CACNA1A: variants seen among roughly 807,000 people sequenced by gnomAD.
The protein encoded by CACNA1A is voltage-dependent P/Q-type calcium channel subunit alpha-1A.
In CACNA1A, 57 loss-of-function variants were observed where a neutral mutation model predicts 262.4. That is an observed-to-expected ratio of 0.22 (90% confidence interval 0.18 to 0.27). The LOEUF (loss-of-function observed/expected upper bound fraction) is 0.27, where lower values mean the gene tolerates loss of function less well. Among genes scored for constraint, CACNA1A ranks in the 10% least tolerant of loss-of-function variants. The probability of loss-of-function intolerance (pLI) is 1.00; values close to 1 mark genes in which losing one functional copy is unlikely to be tolerated. For missense variants in CACNA1A, 2,526 were observed against 3,562.8 expected (o/e 0.71, Z 7.41); for synonymous variants, 1,431 against 1,419.3 (o/e 1.01, Z -0.18).
At chr19:13,218,237 C>T (rs956042640) in intron 38 of CACNA1A, among the ~76,000 whole-genome samples, 3 of 151,950 alleles carry the variant, frequency 2.0e-5, no homozygotes, top group Admixed American at 2.0e-4. Flanking sequence ...ATTACAGCCG[C>T]CCGCCGCCAC....
intron 15 of CACNA1A, among the ~76,000 whole-genome samples, chr19:13,305,987 G>A (rs2057894161): frequency 6.6e-6 from 1 of 151,832 alleles, no homozygotes; most frequent in Non-Finnish European, 1.5e-5. Context: ...TTGAACCCAG[G>A]AGGCAGAGGT....
chr19:13,357,891 C>T (rs1368700763), intron 6 of CACNA1A, among the ~76,000 whole-genome samples: 1 of 151,972 alleles, frequency 6.6e-6, no homozygotes, highest in Non-Finnish European at 1.5e-5. Context: ...CCTGTGGTCC[C>T]AGCTACTCAG....
chr19:13,377,863 C>T (rs928400437), intron 3 of CACNA1A, among the ~76,000 whole-genome samples: 2 of 151,842 alleles, frequency 1.3e-5, no homozygotes, highest in Non-Finnish European at 2.9e-5. Flanking sequence ...TCCAGTGGCT[C>T]ATGCCTGTAA....
chr19:13,378,006 G>T (rs1266583042), intron 3 of CACNA1A, among the ~76,000 whole-genome samples: 1 of 152,030 alleles, frequency 6.6e-6, no homozygotes, highest in African/African-American at 2.4e-5. Context: ...ACAACAAAAA[G>T]AACATTTGTG....
intron 4 of CACNA1A, chr19:13,365,688 G>T (rs1324489691): frequency 6.3e-6 from 3 of 478,204 alleles, no homozygotes; most frequent in Non-Finnish European, 1.1e-5. Flanking sequence ...TTTCCTTTGA[G>T]ACAGGGTTTT....
intron 3 of CACNA1A, among the ~76,000 whole-genome samples, chr19:13,382,947 G>C (rs2059548017): frequency 6.6e-6 from 1 of 152,174 alleles, no homozygotes; most frequent in Non-Finnish European, 1.5e-5. Context: ...CTACCACTGA[G>C]TAAGAACTCG....
At chr19:13,310,944 C>T (rs780330688) in intron 12 of CACNA1A, among the ~76,000 whole-genome samples, 9 of 152,076 alleles carry the variant, frequency 5.9e-5, no homozygotes, top group Non-Finnish European at 1.2e-4. Context: ...GCATGTGCCA[C>T]GACGCCTGGC....
At chr19:13,457,384 T>C (rs2061033368) in intron 1 of CACNA1A, among the ~76,000 whole-genome samples, 1 of 152,172 alleles carries the variant, frequency 6.6e-6, no homozygotes, top group South Asian at 2.1e-4. Flanking sequence ...CTCCAAGGTA[T>C]AAACACAAAA....
chr19:13,318,126 A>ATT (rs1268102981), intron 10 of CACNA1A, among the ~76,000 whole-genome samples: 94 of 111,146 alleles, frequency 8.5e-4, no homozygotes, highest in African/African-American at 3.2e-3. Context: ...TTTAAATAAC[A>ATT]ATTTTTTTTT....
chr19:13,335,937 T>C, intron 6 of CACNA1A, 28 bp from the exon 7 acceptor site: 1 of 1,399,054 alleles, frequency 7.1e-7, no homozygotes, highest in Non-Finnish European at 1.0e-6. Context: ...GGAAAGCAGG[T>C]GAGAGTTGAC....
chr19:13,330,877 C>G (rs2058456091), intron 9 of CACNA1A, among the ~76,000 whole-genome samples: 1 of 152,074 alleles, frequency 6.6e-6, no homozygotes, highest in South Asian at 2.1e-4. Context: ...GCGTGAGCCG[C>G]CCCACTCAGC....
Position 13,241,547 on chromosome 19 carries a change from TGAGGGG to T in CACNA1A, c.4950+3629_4950+3634del. ...GGATTCTAGATGCAGATGTTGAAGA[TGAGGGG>T]GAGCGGGCGGGCGGGGGCAGTTGGG... On this transcript the variant is annotated intron_variant, in intron 31 of 46. Transcript: ENST00000360228. The surrounding 1 kb of genome is among the most constrained non-coding windows in gnomAD (Gnocchi z 4.0). 1 of 663,870 alleles carries T rather than the reference TGAGGGG, an allele frequency of 1.5e-6. No individual in the cohort carries two copies. The highest frequency in any genetic ancestry group is 2.2e-6 in the Non-Finnish European group (1 of 448,640). 41.1% of individuals were successfully genotyped at this position (663,870 alleles called of 1,614,324 possible).
intron 10 of CACNA1A, among the ~76,000 whole-genome samples, chr19:13,326,809 T>C (rs888069134): frequency 3.4e-5 from 5 of 148,868 alleles, no homozygotes; most frequent in Admixed American, 2.7e-4. Context: ...AAAAAAGGAC[T>C]GTGCATACTG....
rs59701541 is a variant in CACNA1A, at chr19:13,486,386, G to C, written c.293+19546C>G. 6.1e-3 allele frequency among the ~76,000 whole-genome samples: 650 copies of C among 106,524 alleles called. 4 individuals carry two copies. Among genetic ancestry groups the C allele is most frequent in the Non-Finnish European group, 9.2e-3 (511 of 55,278 alleles). The allele number at this position is 106,524 out of a possible 152,430, so 69.9% of individuals were successfully genotyped here. On this transcript the variant is annotated intron_variant, in intron 1 of 46. Coordinates refer to ENST00000360228, the MANE Select transcript of CACNA1A (RefSeq NM_001127222.2). The stretch of plus-strand genomic sequence containing the variant: ...GTTCTGTCTCTCTCTCTCTCTCTCT[G>C]TCTGTCTGTCTCTCTCTCTCTCACA...
intron 5 of CACNA1A, among the ~76,000 whole-genome samples, chr19:13,361,162 T>C (rs2059104462): frequency 6.6e-6 from 1 of 152,134 alleles, no homozygotes; most frequent in South Asian, 2.1e-4. Flanking sequence ...GGGACACCAG[T>C]ACACACAGTT....
intron 3 of CACNA1A, among the ~76,000 whole-genome samples, chr19:13,378,623 G>A (rs779380243): frequency 2.6e-5 from 4 of 151,656 alleles, no homozygotes; most frequent in Non-Finnish European, 5.9e-5. Context: ...TCAGATGATT[G>A]TTAACTTTTT....
intron 1 of CACNA1A, among the ~76,000 whole-genome samples, chr19:13,492,427 G>A (rs947139907): frequency 3.3e-5 from 5 of 152,168 alleles, no homozygotes; most frequent in Admixed American, 2.0e-4. Flanking sequence ...GGGCCACGTC[G>A]TCAGGGAAAG....
chr19:13,240,778 T>C (rs1443855448), intron 31 of CACNA1A, among the ~76,000 whole-genome samples: 1 of 150,944 alleles, frequency 6.6e-6, no homozygotes, highest in Non-Finnish European at 1.5e-5. Flanking sequence ...GCACAGTGTG[T>C]GCGCAGTGAC....
Position 13,262,068 on chromosome 19 carries a change from T to C in CACNA1A, c.4090-458A>G, listed in dbSNP as rs549348409. 35 of 161,348 alleles carry C rather than the reference T, an allele frequency of 2.2e-4. No homozygotes were observed. In the Middle Eastern group the frequency reaches 0.013, roughly 61 times the overall value. 10.0% of individuals were successfully genotyped at this position (161,348 alleles called of 1,614,324 possible). ...GGTTAGATTTCCATAACAGTATCTG[T>C]TTTCTGTCTTTAATTTTTAGTAGAG... On this transcript the variant is annotated intron_variant, in intron 25 of 46. Coordinates refer to ENST00000360228, the MANE Select transcript of CACNA1A (RefSeq NM_001127222.2).
Sources: gnomAD v4.1 joint callset for allele counts (sites outside exome capture counted in the v4.1 genomes callset) on GRCh38, gnomAD v4.1.1 for gene constraint, Gnocchi (gnomAD v3.1) non-coding constraint, MANE v1.5 for transcripts, NCBI Gene and HGNC (gene_info 2026-07-23, HGNC 2026-07-21) for gene names.